The following NPAS3 variants were observed in gnomAD, a reference collection of about 807,000 sequenced individuals.
The protein encoded by NPAS3 is neuronal PAS domain protein 3.
In NPAS3, 14 loss-of-function variants were observed where a neutral mutation model predicts 73.1. The ratio of observed to expected loss-of-function variants is 0.19; its 90% CI spans 0.13 to 0.30. The LOEUF (loss-of-function observed/expected upper bound fraction) is 0.30. Ranked by LOEUF, NPAS3 falls within the 10% of genes least tolerant of loss-of-function variation. The pLI, the probability that NPAS3 is intolerant of heterozygous loss-of-function variation, is 1.00. For missense variants in NPAS3, 1,096 were observed against 1,250.0 expected (o/e 0.88, Z 1.86); for synonymous variants, 620 against 541.5 (o/e 1.14, Z -2.01).
intron 6 of NPAS3, among the ~76,000 whole-genome samples, chr14:33,685,101 C>T: frequency 6.6e-6 from 1 of 152,008 alleles, no homozygotes; most frequent in East Asian, 1.9e-4. Flanking sequence ...GATTATTCAA[C>T]AACCATTGAT....
chr14:32,979,347 T>G (rs1422562432), intron 1 of NPAS3, among the ~76,000 whole-genome samples: 1 of 152,194 alleles, frequency 6.6e-6, no homozygotes, highest in East Asian at 1.9e-4. Flanking sequence ...TTAAATAAGA[T>G]TTAGAATTTA....
chr14:33,467,811 C>T (rs542591047), intron 4 of NPAS3, among the ~76,000 whole-genome samples: 129 of 152,258 alleles, frequency 8.5e-4, no homozygotes, highest in African/African-American at 3.0e-3. Flanking sequence ...CAGCAAAAGT[C>T]AAAATCTCTC....
At chr14:33,383,274 T>C (rs1179828157) in intron 4 of NPAS3, among the ~76,000 whole-genome samples, 4 of 152,102 alleles carry the variant, frequency 2.6e-5, no homozygotes, top group African/African-American at 9.7e-5. Context: ...TTGGTGGTCT[T>C]AGTAGGTGCT....
chr14:33,085,118 G>T (rs1319229033), intron 2 of NPAS3, among the ~76,000 whole-genome samples: 1 of 152,104 alleles, frequency 6.6e-6, no homozygotes, highest in Admixed American at 6.6e-5. Flanking sequence ...TCCCTTACCT[G>T]CTTCTTTGGT....
At chr14:32,979,905 C>T (rs1028054645) in intron 1 of NPAS3, among the ~76,000 whole-genome samples, 1 of 152,050 alleles carries the variant, frequency 6.6e-6, no homozygotes, top group East Asian at 1.9e-4. Flanking sequence ...TAAGTAAAAT[C>T]AGCTACAAAA....
In NPAS3 at chr14:33,243,946, G is replaced by A. The variant is rs146797099; in HGVS notation, c.385+28520G>A. Among the ~76,000 whole-genome samples, 263 of 152,078 alleles carry A rather than the reference G, an allele frequency of 1.7e-3. 1 individual carries two copies. The highest frequency in any genetic ancestry group is 2.7e-3 in the Non-Finnish European group (186 of 67,980). ...AAATTACTATTGCTTTTAAAACTTT[G>A]ACTGACCAATTGATGTTTAGAAAGG... On this transcript the variant is annotated intron_variant, in intron 3 of 11. Coordinates refer to ENST00000356141, the Ensembl canonical transcript of NPAS3.
intron 2 of NPAS3, among the ~76,000 whole-genome samples, chr14:33,085,734 T>C (rs1490471442): frequency 6.6e-6 from 1 of 152,198 alleles, no homozygotes; most frequent in Non-Finnish European, 1.5e-5. Flanking sequence ...TTTTTAAATA[T>C]AGTAAGATAC....
chr14:33,130,295 G>A (rs1027332533), intron 2 of NPAS3, among the ~76,000 whole-genome samples: 73 of 152,070 alleles, frequency 4.8e-4, no homozygotes, highest in African/African-American at 1.6e-3. Context: ...AGTCTCATTT[G>A]TAGACTTAGA....
chr14:33,412,121 ATTAT>A (rs74892253), intron 4 of NPAS3, among the ~76,000 whole-genome samples: 2 of 151,524 alleles, frequency 1.3e-5, no homozygotes, highest in Admixed American at 1.3e-4. Context: ...TATGCTTTTT[ATTAT>A]TTATTTATTT....
At chr14:33,281,862 T>C (rs1483733566) in intron 3 of NPAS3, among the ~76,000 whole-genome samples, 1 of 152,196 alleles carries the variant, frequency 6.6e-6, no homozygotes, top group Non-Finnish European at 1.5e-5. Context: ...TTAATTTTAC[T>C]TGTGCAAACT....
chr14:32,938,472 A>AGAGAGAGT (rs2035778930), upstream of NPAS3, among the ~76,000 whole-genome samples: 1 of 128,938 alleles, frequency 7.8e-6, no homozygotes. Context: ...AGAGAGAGAG[A>AGAGAGAGT]GAGAGAGAGA....
chr14:33,695,390 ACTGT>A (rs1000432023), intron 6 of NPAS3, among the ~76,000 whole-genome samples: 2 of 152,174 alleles, frequency 1.3e-5, no homozygotes, highest in African/African-American at 4.8e-5. Flanking sequence ...AAAATAATAC[ACTGT>A]CTAATATTAA....
chr14:33,599,827 T>C (rs1352493301), intron 5 of NPAS3, among the ~76,000 whole-genome samples: 3 of 152,266 alleles, frequency 2.0e-5, no homozygotes, highest in African/African-American at 7.2e-5. Flanking sequence ...TTAGTTAATT[T>C]TGGAACTCAT....
intron 7 of NPAS3, among the ~76,000 whole-genome samples, chr14:33,747,101 T>G (rs9671498): frequency 0.087 from 13,185 of 151,588 alleles, 1,325 homozygotes; most frequent in African/African-American, 0.25. Flanking sequence ...TATACCCAAA[T>G]GACTATAAAT....
chr14:33,305,608 A>G (rs2042723333), intron 3 of NPAS3, among the ~76,000 whole-genome samples: 1 of 152,142 alleles, frequency 6.6e-6, no homozygotes, highest in South Asian at 2.1e-4. Context: ...TATTGAGAAT[A>G]TTTTTAAGAT....
chr14:33,086,042 A>G (rs2042014396), intron 2 of NPAS3, among the ~76,000 whole-genome samples: 1 of 152,282 alleles, frequency 6.6e-6, no homozygotes, highest in East Asian at 1.9e-4. Context: ...CTCCCAGTAC[A>G]AGGTTATTAT....
intron 3 of NPAS3, among the ~76,000 whole-genome samples, chr14:33,227,175 C>T (rs1008403512): frequency 1.7e-4 from 26 of 152,184 alleles, no homozygotes; most frequent in African/African-American, 5.6e-4. Flanking sequence ...GCTTAGCTGA[C>T]ACCTGACCTA....
chr14:33,788,790 A>C (rs1292086479), intron 9 of NPAS3, among the ~76,000 whole-genome samples: 1 of 152,130 alleles, frequency 6.6e-6, no homozygotes, highest in Non-Finnish European at 1.5e-5. Flanking sequence ...AGGAAAACTG[A>C]AATCCCTCTG....
At chr14:33,693,027 C>G (rs1345603584) in intron 6 of NPAS3, among the ~76,000 whole-genome samples, 2 of 151,950 alleles carry the variant, frequency 1.3e-5, no homozygotes, top group African/African-American at 2.4e-5. Flanking sequence ...CACAGAAATG[C>G]AAAGCACTGA....
Sources: gnomAD v4.1 joint callset for allele counts (sites outside exome capture counted in the v4.1 genomes callset) on GRCh38, gnomAD v4.1.1 for gene constraint, MANE v1.5 for transcripts, NCBI Gene and HGNC (gene_info 2026-07-23, HGNC 2026-07-21) for gene names.